The following ZBTB24 variants were observed in gnomAD, a reference collection of about 807,000 sequenced individuals.
The protein encoded by ZBTB24 is zinc finger and BTB domain containing 24, also known as zinc finger and BTB domain-containing protein 24.
In ZBTB24, 32 loss-of-function variants were observed where a neutral mutation model predicts 53.8. The observed-to-expected ratio is 0.60, with a 90% CI of 0.45 to 0.80. The LOEUF (loss-of-function observed/expected upper bound fraction) is 0.80. ZBTB24 is among the 30% of genes least tolerant of loss of function. The pLI is 0.00. For synonymous variants in ZBTB24, 297 were observed against 306.7 expected (o/e 0.97, Z 0.33); for missense variants, 722 against 837.1 (o/e 0.86, Z 1.70).
intron 5 of ZBTB24, among the ~76,000 whole-genome samples, chr6:109,474,798 G>A (rs1776245932): frequency 6.6e-6 from 1 of 151,870 alleles, no homozygotes; most frequent in African/African-American, 2.4e-5. Context: ...CAGCATTTTG[G>A]GAGGCTCAGA....
intron 5 of ZBTB24, among the ~76,000 whole-genome samples, chr6:109,474,332 G>T (rs1053066051): frequency 6.6e-6 from 1 of 152,146 alleles, no homozygotes; most frequent in Admixed American, 6.5e-5. Context: ...GATTTTTCTG[G>T]AGGTGGTGCT....
rs762302021 is a variant in ZBTB24, at chr6:109,481,407, A to G, written c.620T>C (p.Leu207Pro). Reference protein sequence around the residue: ...NFVVKGDSGVLNEQIAAKEKE... With the variant: ...NFVVKGDSGVPNEQIAAKEKE... The stretch of plus-strand genomic sequence containing the variant: ...TTCTTTTGCTGCAATTTGCTCATTC[A>G]GTACACCACTGTCTCCTTTAACCAC... Residue 207 changes from leucine (L) to proline (P), a missense_variant, in exon 2 of 7, where the codon CTG becomes CCG. Transcript: ENST00000230122. 2.1e-5 allele frequency: 34 copies of G among 1,614,178 alleles called. No individual in the cohort carries two copies. Among genetic ancestry groups the G allele is most frequent in the Non-Finnish European group, 2.4e-5 (28 of 1,180,040 alleles).
chr6:109,466,427 C>T lies in ZBTB24; in HGVS notation c.1518G>A (p.Lys506=), dbSNP rs1319701072. The part of the protein sequence containing the change: ...NLQFARLDNL[K]AHLKIHSKEK... Reference sequence around the variant, plus strand: ...CCTTGCTATGAATTTTCAAGTGAGCCTTCAAGTTGTCTAAGCGAGCAAACT... The same window carrying T: ...CCTTGCTATGAATTTTCAAGTGAGCTTTCAAGTTGTCTAAGCGAGCAAACT... The change falls in exon 7 of 7, where the codon AAG becomes AAA. Residue 506 remains lysine (K), a synonymous_variant. Coordinates refer to ENST00000230122, the MANE Select transcript of ZBTB24 (RefSeq NM_014797.3). 1 of 1,614,024 alleles carries T rather than the reference C, an allele frequency of 6.2e-7. No individual in the cohort carries two copies. Among genetic ancestry groups the T allele is most frequent in the Non-Finnish European group, 8.5e-7 (1 of 1,180,038 alleles).
chr6:109,479,171 T>C (rs1776343907), intron 2 of ZBTB24, among the ~76,000 whole-genome samples: 2 of 152,238 alleles, frequency 1.3e-5, no homozygotes, highest in Admixed American at 6.5e-5. Flanking sequence ...CTTATGAATC[T>C]ACCTGTTATC....
rs1776006490 is a variant in ZBTB24 at position 109,465,305 on chromosome 6, G to A, written c.*546C>T. ...GTACTGCATAAAGATAAAACGTTGA[G>A]GGTTACTTTGTCTTAGGGGACTGGA... On this transcript the variant is annotated 3_prime_UTR_variant, in exon 7 of 7. Coordinates refer to ENST00000230122, the MANE Select transcript of ZBTB24 (RefSeq NM_014797.3). 7.4e-6 allele frequency: 2 copies of A among 270,650 alleles called. No homozygotes were observed. The highest frequency in any genetic ancestry group is 7.0e-6 in the Non-Finnish European group (1 of 142,098). The allele number at this position is 270,650 out of a possible 1,614,324, so 16.8% of individuals were successfully genotyped here.
chr6:109,475,449 C>CT lies in ZBTB24; in HGVS notation c.1237_1238insA (p.Arg413GlnfsTer19), dbSNP rs746088800. The CT allele has an allele frequency of 1.2e-6, 2 of 1,614,120 alleles. No individual in the cohort carries two copies. Among genetic ancestry groups the CT allele is most frequent in the Non-Finnish European group, 8.5e-7 (1 of 1,180,016 alleles). On this transcript the variant is annotated frameshift_variant, in exon 5 of 7. Transcript: ENST00000230122. LOFTEE classifies it high-confidence loss of function. ...TAGCTGAGACACATCCATGAATTTG[C>CT]GATGGCAGTCTTTGCATTCCGGTAA...
chr6:109,467,506 A>G (rs1776073162), intron 6 of ZBTB24, 147 bp downstream of exon 6: 3 of 1,534,900 alleles, frequency 2.0e-6, no homozygotes, highest in Non-Finnish European at 2.6e-6. Context: ...AAAACAAACA[A>G]ACAAAACAAA....
rs1319446962 is a variant in ZBTB24 at position 109,481,191 on chromosome 6, G to A, written c.836C>T (p.Ala279Val). 1 of 1,614,148 alleles carries A rather than the reference G, an allele frequency of 6.2e-7. No homozygotes were observed. The highest frequency in any genetic ancestry group is 1.1e-5 in the South Asian group (1 of 91,074). Residue 279 changes from alanine (A) to valine (V), a missense_variant, in exon 2 of 7, where the codon GCC becomes GTC. Ala to Val is a moderately conservative substitution (Grantham distance 64). Transcript: ENST00000230122. ...LVGDQEDHGS[A>V]KRICGRRKRP... ...CTTTCTCCTTCCACAGATCCTCTTG[G>A]CTGAACCATGGTCCTCTTGATCCCC...
At position 109,481,847 on chromosome 6, in the gene ZBTB24, T is replaced by G; in HGVS notation, c.180A>C (p.Glu60Asp). The G allele has an allele frequency of 1.2e-6, 2 of 1,614,216 alleles. No homozygotes were observed. The highest frequency in any genetic ancestry group is 1.7e-6 in the Non-Finnish European group (2 of 1,180,040). The part of the protein sequence containing the change: ...AHKALLAASS[E>D]YFSMMFAEEG... ...CTTCTGCAAACATCATTGAGAAGTATTCACTACTGGCAGCAAGTAAGGCTT... is the reference window on the plus strand; with the variant it reads ...CTTCTGCAAACATCATTGAGAAGTAGTCACTACTGGCAGCAAGTAAGGCTT... Residue 60 changes from glutamate to aspartate, a missense_variant, in exon 2 of 7, where the codon GAA becomes GAC. By Grantham distance (45) the Glu-to-Asp change is conservative. Transcript: ENST00000230122.
At chr6:109,472,926 T>G (rs1776196056) in intron 5 of ZBTB24, among the ~76,000 whole-genome samples, 2 of 152,174 alleles carry the variant, frequency 1.3e-5, no homozygotes, top group Non-Finnish European at 2.9e-5. Context: ...GCTGCTACTG[T>G]GCTGTTCCGA....
intron 4 of ZBTB24, 26 bp downstream of exon 4, chr6:109,476,149 A>G (rs117524799): frequency 0.019 from 30,832 of 1,610,462 alleles, 362 homozygotes; most frequent in Non-Finnish European, 0.021. Flanking sequence ...TTCCCCCCCA[A>G]TCTAAATGTT....
intron 2 of ZBTB24, among the ~76,000 whole-genome samples, chr6:109,478,111 C>T (rs1776317492): frequency 6.6e-6 from 1 of 152,236 alleles, no homozygotes; most frequent in Admixed American, 6.5e-5. Flanking sequence ...ACAGGGCCCA[C>T]TTAGGATTAA....
chr6:109,466,131 A>G lies in ZBTB24; in HGVS notation c.1814T>C (p.Leu605Ser). The G allele has an allele frequency of 6.2e-6, 10 of 1,614,228 alleles. No homozygotes were observed. The highest frequency in any genetic ancestry group is 8.5e-6 in the Non-Finnish European group (10 of 1,180,046). ...LTQQPEQLQN[L>S]ILSAQQEQTE... ...TTGCTCCTGTTGAGCTGAAAGAATT[A>G]AATTCTGCAGTTGCTCTGGCTGCTG... Residue 605 changes from leucine to serine, a missense_variant, in exon 7 of 7, where the codon TTA becomes TCA. Leu to Ser is a moderately radical substitution (Grantham distance 145). Coordinates refer to ENST00000230122, the MANE Select transcript of ZBTB24 (RefSeq NM_014797.3).
At chr6:109,479,513 G>T (rs1231164638) in intron 2 of ZBTB24, among the ~76,000 whole-genome samples, 1 of 152,214 alleles carries the variant, frequency 6.6e-6, no homozygotes, top group African/African-American at 2.4e-5. Context: ...TTGAACCATT[G>T]TGAGTCGGGG....
chr6:109,469,502 C>T (rs1344059222), intron 5 of ZBTB24, among the ~76,000 whole-genome samples: 1 of 152,028 alleles, frequency 6.6e-6, no homozygotes, highest in Non-Finnish European at 1.5e-5. Context: ...GGCAAATTTC[C>T]CTAGCCAAGG....
chr6:109,467,751 C>A lies in ZBTB24; in HGVS notation c.1289-17G>T, dbSNP rs1266031026. On this transcript the variant is annotated splice_polypyrimidine_tract_variant and intron_variant, in intron 5 of 6. Transcript: ENST00000230122. ...GCTTCTCACCTAAAAAAAACAAAAA[C>A]AAAAACAAAAAACCCAAAACAAAAA... 56 of 1,611,492 alleles carry A rather than the reference C, an allele frequency of 3.5e-5. No individual in the cohort carries two copies. The highest frequency in any genetic ancestry group is 4.7e-5 in the Non-Finnish European group (56 of 1,179,366).
chr6:109,476,996 T>C, intron 2 of ZBTB24, 66 bp from the exon 3 acceptor site: 1 of 1,573,452 alleles, frequency 6.4e-7, no homozygotes, highest in Non-Finnish European at 8.6e-7. Context: ...CTCTCCCAAA[T>C]TAAAAAAACA....
rs5879027 is a variant in ZBTB24, at chr6:109,475,043, TA to T, written c.1288+355del. Among the ~76,000 whole-genome samples, 924 of 116,396 alleles carry T rather than the reference TA, an allele frequency of 7.9e-3. 7 individuals carry two copies. Among genetic ancestry groups the T allele is most frequent in the African/African-American group, 0.024 (728 of 30,370 alleles). The allele number at this position is 116,396 out of a possible 152,430, so 76.4% of individuals were successfully genotyped here. ...GGATGACAGCACAAGCCCTTATCTT[TA>T]AAAAAAAAAAAAAAAAAAAGTCTTG... is the stretch of plus-strand genomic sequence containing the variant. On this transcript the variant is annotated intron_variant, in intron 5 of 6. Transcript: ENST00000230122.
chr6:109,474,590 TG>T (rs2115360080), intron 5 of ZBTB24, among the ~76,000 whole-genome samples: 1 of 152,154 alleles, frequency 6.6e-6, no homozygotes, highest in African/African-American at 2.4e-5. Context: ...AAAAATTAGC[TG>T]GGCATGGTAG....
Sources: allele counts gnomAD v4.1 joint callset (sites outside exome capture counted in the v4.1 genomes callset), GRCh38; gene constraint gnomAD v4.1.1; transcripts MANE v1.5; gene names NCBI Gene and HGNC (gene_info 2026-07-23, HGNC 2026-07-21).